The following NKAIN1 variants were observed in gnomAD, a reference collection of about 807,000 sequenced individuals.
NKAIN1 encodes the protein sodium/potassium transporting ATPase interacting 1, also known as sodium/potassium-transporting ATPase subunit beta-1-interacting protein 1.
NKAIN1 carries 13 observed loss-of-function variants against 31.6 expected under a neutral mutation model. The ratio of observed to expected loss-of-function variants is 0.41; its 90% CI spans 0.27 to 0.65. The LOEUF (loss-of-function observed/expected upper bound fraction) is 0.65. Among genes scored for constraint, NKAIN1 ranks in the 30% least tolerant of loss-of-function variants. The pLI, the probability that NKAIN1 is intolerant of heterozygous loss-of-function variation, is 0.30. For missense variants in NKAIN1, 193 were observed against 262.2 expected, an observed-to-expected ratio of 0.74 and a Z score of 1.82; for synonymous variants, 104 against 109.0, an observed-to-expected ratio of 0.95 and a Z score of 0.28.
At chr1:31,200,556 C>G (rs568673670) in intron 1 of NKAIN1, among the ~76,000 whole-genome samples, 25 of 149,960 alleles carry the variant, frequency 1.7e-4, no homozygotes, top group African/African-American at 5.9e-4. Context: ...CTCCTGGGAT[C>G]AAGTGATCTT....
intron 1 of NKAIN1, among the ~76,000 whole-genome samples, chr1:31,196,783 C>G (rs1362791548): frequency 2.6e-5 from 4 of 151,906 alleles, no homozygotes. Flanking sequence ...CTCATCTTAC[C>G]TGACCTCAAT....
intron 1 of NKAIN1, among the ~76,000 whole-genome samples, chr1:31,205,613 GTT>G (rs761138403): frequency 9.3e-5 from 9 of 96,526 alleles, no homozygotes; most frequent in East Asian, 3.0e-4. Context: ...AGCCGGACAA[GTT>G]TTTTTTTTTT....
chr1:31,207,682 G>A (rs1010367871), intron 1 of NKAIN1, among the ~76,000 whole-genome samples: 22 of 152,082 alleles, frequency 1.4e-4, no homozygotes, highest in African/African-American at 4.1e-4. Flanking sequence ...CCCTGGCCAC[G>A]AGCTGTGCCA....
intron 1 of NKAIN1, among the ~76,000 whole-genome samples, chr1:31,202,193 C>T (rs1335164447): frequency 6.6e-6 from 1 of 152,224 alleles, no homozygotes; most frequent in Non-Finnish European, 1.5e-5. Context: ...GACCCATCCC[C>T]ACCCCTTCCC....
At chr1:31,217,241 T>G (rs1434535450) in intron 1 of NKAIN1, among the ~76,000 whole-genome samples, 1 of 152,154 alleles carries the variant, frequency 6.6e-6, no homozygotes, top group Non-Finnish European at 1.5e-5. Context: ...CATAGCTTAC[T>G]GCAGCCTCCA....
chr1:31,210,189 C>G (rs1201368897), intron 1 of NKAIN1, among the ~76,000 whole-genome samples: 4 of 152,156 alleles, frequency 2.6e-5, no homozygotes, highest in Non-Finnish European at 4.4e-5. Flanking sequence ...CCTCCTTTTC[C>G]CAAGCCAGCA....
At chr1:31,201,930 C>G (rs1322905123) in intron 1 of NKAIN1, among the ~76,000 whole-genome samples, 1 of 152,212 alleles carries the variant, frequency 6.6e-6, no homozygotes, top group African/African-American at 2.4e-5. Context: ...TCCTGGACCC[C>G]CAATCCCCTG....
intron 1 of NKAIN1, among the ~76,000 whole-genome samples, chr1:31,192,682 C>G (rs1171992975): frequency 6.6e-6 from 1 of 152,062 alleles, no homozygotes; most frequent in Non-Finnish European, 1.5e-5. Context: ...TCCCGAGTAG[C>G]TGGGACTACA....
chr1:31,188,285 G>A (rs1645260265), intron 1 of NKAIN1, 98 bp from the exon 2 acceptor site: 6 of 1,337,748 alleles, frequency 4.5e-6, no homozygotes, highest in Non-Finnish European at 4.1e-6. Context: ...CAGTTACCAT[G>A]GTGATGAGGC....
At chr1:31,206,478 C>G (rs1645425464) in intron 1 of NKAIN1, among the ~76,000 whole-genome samples, 1 of 151,692 alleles carries the variant, frequency 6.6e-6, no homozygotes, top group Non-Finnish European at 1.5e-5. Context: ...CTGTTTTGCC[C>G]AAGCTGGAAT....
intron 1 of NKAIN1, among the ~76,000 whole-genome samples, chr1:31,192,240 C>G (rs1645291126): frequency 6.6e-6 from 1 of 152,214 alleles, no homozygotes; most frequent in South Asian, 2.1e-4. Context: ...CTTCCTTCAT[C>G]CTCACACCCA....
At chr1:31,186,136 G>T (rs1645240128) in intron 2 of NKAIN1, among the ~76,000 whole-genome samples, 1 of 151,880 alleles carries the variant, frequency 6.6e-6, no homozygotes, top group East Asian at 1.9e-4. Flanking sequence ...GCCAAGGTGG[G>T]CAGATCACCT....
intron 1 of NKAIN1, among the ~76,000 whole-genome samples, chr1:31,214,748 G>A (rs1645497426): frequency 1.3e-5 from 2 of 152,232 alleles, no homozygotes; most frequent in African/African-American, 4.8e-5. Flanking sequence ...GAATCAGGCA[G>A]AGATGAGCGC....
chr1:31,217,354 G>A (rs7524086), intron 1 of NKAIN1, among the ~76,000 whole-genome samples: 3,415 of 151,848 alleles, frequency 0.022, 123 homozygotes, highest in African/African-American at 0.077. Context: ...TTGTAGAGAC[G>A]GGGGTCTCAC....
chr1:31,200,013 G>GCA (rs370729911), intron 1 of NKAIN1, among the ~76,000 whole-genome samples: 1,747 of 95,276 alleles, frequency 0.018, 29 homozygotes, highest in African/African-American at 0.051. Context: ...GCACACACAT[G>GCA]CACACACACA....
chr1:31,202,194 A>G lies in NKAIN1; in HGVS notation c.55-14007T>C, dbSNP rs1463855889. ...TCTCAGTGACCACTGACCCATCCCCACCCCTTCCCCAGCTGGGGGGCTCTG... is the reference window on the plus strand; with the variant it reads ...TCTCAGTGACCACTGACCCATCCCCGCCCCTTCCCCAGCTGGGGGGCTCTG... On this transcript the variant is annotated intron_variant, in intron 1 of 6. Coordinates refer to ENST00000373736, the MANE Select transcript of NKAIN1 (RefSeq NM_024522.3). 2.0e-5 allele frequency among the ~76,000 whole-genome samples: 3 copies of G among 150,908 alleles called. No homozygotes were observed. In the East Asian group the frequency reaches 5.9e-4, roughly 30 times the overall value.
chr1:31,181,511 A>G lies in NKAIN1; in HGVS notation c.*192T>C, dbSNP rs1477564300. On this transcript the variant is annotated 3_prime_UTR_variant, in exon 7 of 7. Coordinates refer to ENST00000373736, the MANE Select transcript of NKAIN1 (RefSeq NM_024522.3). ...CACTCCTCCGAAGTCCGGGCTGCGAAGAGCCAAGCTCAAATCCAAGTCCAA... is the reference window on the plus strand; with the variant it reads ...CACTCCTCCGAAGTCCGGGCTGCGAGGAGCCAAGCTCAAATCCAAGTCCAA... 1 of 471,772 alleles carries G rather than the reference A, an allele frequency of 2.1e-6. No homozygotes were observed. Among genetic ancestry groups the G allele is most frequent in the African/African-American group, 2.0e-5 (1 of 49,500 alleles). The allele number at this position is 471,772 out of a possible 1,614,324, so 29.2% of individuals were successfully genotyped here.
At chr1:31,197,504 C>T (rs1645338919) in intron 1 of NKAIN1, among the ~76,000 whole-genome samples, 1 of 148,270 alleles carries the variant, frequency 6.7e-6, no homozygotes, top group South Asian at 2.1e-4. Context: ...CCTTGGCCTC[C>T]CAAAGTGCTG....
chr1:31,187,175 G>A (rs1374609028), intron 2 of NKAIN1, among the ~76,000 whole-genome samples: 2 of 152,214 alleles, frequency 1.3e-5, no homozygotes, highest in Admixed American at 6.5e-5. Context: ...GAATGAGTGT[G>A]TGTGGGCTCT....
Sources: allele counts gnomAD v4.1 joint callset (sites outside exome capture counted in the v4.1 genomes callset), GRCh38; gene constraint gnomAD v4.1.1; transcripts MANE v1.5; gene names NCBI Gene and HGNC (gene_info 2026-07-23, HGNC 2026-07-21).